Variants in DNASE1 observed in about 807,000 individuals in gnomAD.
DNASE1 encodes deoxyribonuclease 1.
A neutral mutation model predicts 33.9 loss-of-function variants in DNASE1; 40 were observed. That is an observed-to-expected ratio of 1.18 (90% CI 0.92 to 1.54). DNASE1 has a LOEUF of 1.54. DNASE1 is among the 40% of genes most tolerant of loss of function. The probability of loss-of-function intolerance (pLI) is 0.00; values close to 1 mark genes in which losing one functional copy is unlikely to be tolerated. For missense variants in DNASE1, 518 were observed against 372.6 expected (o/e 1.39, Z -3.21); for synonymous variants, 216 against 160.0 (o/e 1.35, Z -2.64).
intron 4 of DNASE1, 49 bp downstream of exon 4, chr16:3,656,234 C>G (rs2042606795): frequency 6.4e-7 from 1 of 1,568,800 alleles, no homozygotes; most frequent in South Asian, 1.1e-5. Context: ...TGGGAGGGCC[C>G]CAACAGAGCA....
chr16:3,628,118 A>G (rs1471669340), intron 1 of DNASE1, among the ~76,000 whole-genome samples: 1 of 152,044 alleles, frequency 6.6e-6, no homozygotes, highest in African/African-American at 2.4e-5. Flanking sequence ...AATTTCTTTC[A>G]GCGATGTTTT....
In DNASE1 at chr16:3,664,204, A is replaced by G. The variant is rs1166836840; in HGVS notation, c.*6251A>G. 4 of 1,434,864 alleles carry G rather than the reference A, an allele frequency of 2.8e-6. No individual in the cohort carries two copies. In the East Asian group the frequency reaches 1.0e-4, roughly 36 times the overall value. The allele number at this position is 1,434,864 out of a possible 1,614,324, so 88.9% of individuals were successfully genotyped here. ...AGTCTTGGGCAGGTTCACCCAGCAC[A>G]GAGCTGAGAAGGTCAAGACCCTCCC... On this transcript the variant is annotated 3_prime_UTR_variant, in exon 10 of 10. Coordinates refer to the DNASE1 transcript ENST00000407479.
intron 1 of DNASE1, 110 bp from the exon 2 acceptor site, chr16:3,655,263 C>A: frequency 6.7e-7 from 1 of 1,494,238 alleles, no homozygotes; most frequent in Non-Finnish European, 9.1e-7. Context: ...CTGCGTCCCC[C>A]TGACCTTGAG....
chr16:3,639,859 C>T (rs2041982105), upstream of DNASE1, among the ~76,000 whole-genome samples: 1 of 152,178 alleles, frequency 6.6e-6, no homozygotes, highest in Non-Finnish European at 1.5e-5. Context: ...CTCAGGAGTT[C>T]AAGACCAGCC....
chr16:3,613,598 A>G (rs545728324), intron 1 of DNASE1, among the ~76,000 whole-genome samples: 13 of 152,330 alleles, frequency 8.5e-5, no homozygotes, highest in African/African-American at 2.6e-4. Context: ...AGTTTGTAAT[A>G]TGGTTTCCAA....
chr16:3,658,878 A>G (rs1278080390), downstream of DNASE1: 1 of 1,613,886 alleles, frequency 6.2e-7, no homozygotes. Context: ...GCAACACAGA[A>G]CCCACCAGAA....
upstream of DNASE1, chr16:3,654,141 C>G (rs1043610822): frequency 5.3e-6 from 2 of 380,932 alleles, no homozygotes; most frequent in Non-Finnish European, 9.3e-6. Context: ...ACAAAAGAAC[C>G]AAGAAATTAC....
intron 1 of DNASE1, among the ~76,000 whole-genome samples, chr16:3,632,511 T>A (rs1410217657): frequency 6.6e-6 from 1 of 152,146 alleles, no homozygotes; most frequent in Non-Finnish European, 1.5e-5. Flanking sequence ...CTGCTCTGCC[T>A]GAAATTAGTA....
At chr16:3,645,617 G>T (rs1274848114) in intron 1 of DNASE1, among the ~76,000 whole-genome samples, 1 of 152,228 alleles carries the variant, frequency 6.6e-6, no homozygotes, top group Non-Finnish European at 1.5e-5. Flanking sequence ...AACATGCCGT[G>T]GTTCAGGCCC....
At chr16:3,614,651 G>C (rs1158224969) in intron 1 of DNASE1, among the ~76,000 whole-genome samples, 1 of 152,176 alleles carries the variant, frequency 6.6e-6, no homozygotes, top group Non-Finnish European at 1.5e-5. Flanking sequence ...GTTAGATAAA[G>C]GGGGGAGGCT....
intron 1 of DNASE1, among the ~76,000 whole-genome samples, chr16:3,612,585 T>G (rs931054489): frequency 7.0e-3 from 311 of 44,406 alleles, no homozygotes; most frequent in Admixed American, 0.021. Context: ...AGACGGGCGG[T>G]GGGGGCGGGG....
chr16:3,635,742 C>T (rs1176578589), intron 1 of DNASE1, among the ~76,000 whole-genome samples: 2 of 150,662 alleles, frequency 1.3e-5, no homozygotes, highest in Non-Finnish European at 3.0e-5. Context: ...TATAAATATT[C>T]CCTCTACTGT....
chr16:3,616,720 A>G (rs1363593374), intron 1 of DNASE1, among the ~76,000 whole-genome samples: 2 of 152,250 alleles, frequency 1.3e-5, no homozygotes, highest in African/African-American at 4.8e-5. Context: ...TTTTTCAAGA[A>G]CGTACTTCCT....
chr16:3,631,872 TA>T (rs1596584859), intron 1 of DNASE1, among the ~76,000 whole-genome samples: 2 of 152,228 alleles, frequency 1.3e-5, no homozygotes, highest in East Asian at 3.8e-4. Flanking sequence ...CTTTTGTGTT[TA>T]GCTGGAGTTT....
At chr16:3,624,883 A>G (rs536483019) in intron 1 of DNASE1, among the ~76,000 whole-genome samples, 22 of 152,170 alleles carry the variant, frequency 1.4e-4, no homozygotes, top group Non-Finnish European at 2.1e-4. Flanking sequence ...TATTTTTAGT[A>G]GAGATAGGGT....
intron 1 of DNASE1, among the ~76,000 whole-genome samples, chr16:3,646,486 C>T (rs2042175615): frequency 6.6e-6 from 1 of 151,924 alleles, no homozygotes; most frequent in Non-Finnish European, 1.5e-5. Context: ...AACCTGGGGC[C>T]ATGGCGGGTG....
At chr16:3,633,082 C>A (rs1001611231) in intron 1 of DNASE1, among the ~76,000 whole-genome samples, 1 of 152,122 alleles carries the variant, frequency 6.6e-6, no homozygotes, top group Non-Finnish European at 1.5e-5. Context: ...TTCTGACATT[C>A]TCTATTACTT....
At chr16:3,656,035 C>G in intron 3 of DNASE1, 67 bp from the exon 4 acceptor site, 1 of 1,611,332 alleles carries the variant, frequency 6.2e-7, no homozygotes, top group Non-Finnish European at 8.5e-7. Context: ...GGCACAGCCT[C>G]GCTATCGGCA....
chr16:3,658,676 A>T, downstream of DNASE1: 1 of 1,036,234 alleles, frequency 9.7e-7, no homozygotes, highest in Non-Finnish European at 1.4e-6. Flanking sequence ...CATCTCAAAA[A>T]ACAAACAAAC....
Sources: gnomAD v4.1 joint callset for allele counts (sites outside exome capture counted in the v4.1 genomes callset) on GRCh38, gnomAD v4.1.1 for gene constraint, MANE v1.5 for transcripts, NCBI Gene and HGNC (gene_info 2026-07-23, HGNC 2026-07-21) for gene names.